The following SLC8A1 variants were observed in gnomAD, a reference collection of about 807,000 sequenced individuals.
SLC8A1 encodes the protein sodium/calcium exchanger 1.
In SLC8A1, 18 loss-of-function variants were observed where a neutral mutation model predicts 68.3. That is an observed-to-expected ratio of 0.26 (90% CI 0.18 to 0.39). The LOEUF (loss-of-function observed/expected upper bound fraction) is 0.39. Ranked by LOEUF, SLC8A1 falls within the 10% of genes least tolerant of loss-of-function variation. SLC8A1 has a pLI of 1.00. For missense variants in SLC8A1, 985 were observed against 1,156.7 expected, an observed-to-expected ratio of 0.85 and a Z score of 2.15; for synonymous variants, 475 against 415.5, an observed-to-expected ratio of 1.14 and a Z score of -1.74.
rs548460510 is a variant in SLC8A1, at chr2:40,135,983, G to C, written c.2437+3418C>G. Among the ~76,000 whole-genome samples the C allele has an allele frequency of 6.6e-5, 10 of 152,292 alleles. No individual in the cohort carries two copies. In the East Asian group the frequency reaches 1.9e-3, roughly 29 times the overall value. On this transcript the variant is annotated intron_variant, in intron 7 of 7. Transcript: ENST00000406785. Reference sequence around the variant, plus strand: ...AGCTAGTACATAAATCTTTCACTTAGAGGAAAATTGAGGCTGGGGATATAC... The same window carrying C: ...AGCTAGTACATAAATCTTTCACTTACAGGAAAATTGAGGCTGGGGATATAC...
rs374581560 is a variant in SLC8A1 at position 40,349,938 on chromosome 2, A to G, written c.1808+78535T>C. Reference sequence around the variant, plus strand: ...GGGGAATATAAGCAGTAATATTAATATTAAAATGGAGCTCCAAATTAATGG... The same window carrying G: ...GGGGAATATAAGCAGTAATATTAATGTTAAAATGGAGCTCCAAATTAATGG... On this transcript the variant is annotated intron_variant, in intron 2 of 7. Coordinates refer to ENST00000406785, the Ensembl canonical transcript of SLC8A1. Among the ~76,000 whole-genome samples, 3 of 152,172 alleles carry G rather than the reference A, an allele frequency of 2.0e-5. No individual in the cohort carries two copies. The East Asian group carries it at 5.8e-4, about 29-fold the overall frequency.
intron 1 of SLC8A1, among the ~76,000 whole-genome samples, chr2:40,475,234 C>A (rs891884580): frequency 6.6e-6 from 1 of 152,184 alleles, no homozygotes. Context: ...CCCGGGTTCA[C>A]GCCATTCTCC....
chr2:40,416,002 G>C (rs900652297), intron 2 of SLC8A1, among the ~76,000 whole-genome samples: 1 of 144,742 alleles, frequency 6.9e-6, no homozygotes, highest in African/African-American at 2.6e-5. Flanking sequence ...GCGGAGCTGA[G>C]ATCACGCCAC....
At chr2:40,143,992 C>G (rs1486289307) in intron 6 of SLC8A1, among the ~76,000 whole-genome samples, 4 of 152,210 alleles carry the variant, frequency 2.6e-5, no homozygotes, top group African/African-American at 9.6e-5. Context: ...AGTTTCCTAA[C>G]TCCCATCTCT....
chr2:40,141,635 T>G (rs545361429), intron 6 of SLC8A1, among the ~76,000 whole-genome samples: 34 of 152,276 alleles, frequency 2.2e-4, no homozygotes, highest in African/African-American at 7.5e-4. Context: ...TATATCAACT[T>G]TACCTGGAAG....
chr2:40,392,192 AAAAG>A (rs1316680709), intron 2 of SLC8A1, among the ~76,000 whole-genome samples: 13 of 151,990 alleles, frequency 8.6e-5, no homozygotes, highest in South Asian at 6.2e-4. Context: ...AAGAAAAGAA[AAAAG>A]AAAGAAAAGA....
intron 2 of SLC8A1, among the ~76,000 whole-genome samples, chr2:40,405,444 G>T (rs1008650677): frequency 6.6e-6 from 1 of 152,174 alleles, no homozygotes; most frequent in Non-Finnish European, 1.5e-5. Context: ...AAAAGAGCTT[G>T]CCTTTAAAAT....
intron 2 of SLC8A1, among the ~76,000 whole-genome samples, chr2:40,207,316 C>T (rs1366772839): frequency 6.6e-5 from 10 of 151,928 alleles, no homozygotes; most frequent in Admixed American, 2.6e-4. Flanking sequence ...CCATTATCCC[C>T]GAAGCAGTGT....
At chr2:40,252,317 T>G (rs1457828211) in intron 2 of SLC8A1, among the ~76,000 whole-genome samples, 1 of 152,104 alleles carries the variant, frequency 6.6e-6, no homozygotes, top group African/African-American at 2.4e-5. Context: ...GTTTTTTTTT[T>G]TAGATAGTAC....
intron 1 of SLC8A1, among the ~76,000 whole-genome samples, chr2:40,442,115 C>G (rs1228720235): frequency 2.0e-5 from 3 of 149,680 alleles, no homozygotes; most frequent in Admixed American, 6.6e-5. Flanking sequence ...CGAGTTAATG[C>G]GTGCAGCACA....
chr2:40,452,693 T>G (rs1702704347), upstream of SLC8A1, among the ~76,000 whole-genome samples: 1 of 151,358 alleles, frequency 6.6e-6, no homozygotes, highest in Non-Finnish European at 1.5e-5. Context: ...CACCCTGTGT[T>G]TTTCTACGTA....
intron 2 of SLC8A1, among the ~76,000 whole-genome samples, chr2:40,276,377 A>G (rs574996178): frequency 6.6e-6 from 1 of 152,326 alleles, no homozygotes; most frequent in South Asian, 2.1e-4. Flanking sequence ...GATTGTTAGC[A>G]TTCATATCTC....
chr2:40,334,205 G>A (rs1665199323), intron 2 of SLC8A1, among the ~76,000 whole-genome samples: 1 of 152,168 alleles, frequency 6.6e-6, no homozygotes, highest in African/African-American at 2.4e-5. Flanking sequence ...TAAATAAAAT[G>A]AGGTTTAGAG....
chr2:40,313,078 C>T (rs897403884), intron 2 of SLC8A1, among the ~76,000 whole-genome samples: 1 of 152,010 alleles, frequency 6.6e-6, no homozygotes. Flanking sequence ...CCATTACCCC[C>T]CAAAGTTCTC....
chr2:40,478,928 C>G (rs552594377), intron 1 of SLC8A1, among the ~76,000 whole-genome samples: 28 of 152,178 alleles, frequency 1.8e-4, no homozygotes, highest in African/African-American at 6.3e-4. Context: ...CCCGCCACCA[C>G]GCCCAGCTAA....
chr2:40,484,053 C>T (rs1173713845), intron 1 of SLC8A1, among the ~76,000 whole-genome samples: 2 of 152,126 alleles, frequency 1.3e-5, no homozygotes, highest in Non-Finnish European at 2.9e-5. Flanking sequence ...TAAAAAGGTT[C>T]CAATGCATAG....
rs141646755 is a variant in SLC8A1 at position 40,294,336 on chromosome 2, A to T, written c.1809-116481T>A. Among the ~76,000 whole-genome samples, 456 of 152,218 alleles carry T rather than the reference A, an allele frequency of 3.0e-3. 1 individual carries two copies. The highest frequency in any genetic ancestry group is 0.011 in the African/African-American group (440 of 41,552). On this transcript the variant is annotated intron_variant, in intron 2 of 7. Transcript: ENST00000406785. Reference sequence around the variant, plus strand: ...TAAAGCACTTTTCACATAATAACTCAATTTGTCTTCAAAACAACAACAATC... The same window carrying T: ...TAAAGCACTTTTCACATAATAACTCTATTTGTCTTCAAAACAACAACAATC...
At chr2:40,331,873 G>C (rs777535144) in intron 2 of SLC8A1, among the ~76,000 whole-genome samples, 2 of 152,122 alleles carry the variant, frequency 1.3e-5, no homozygotes, top group Admixed American at 1.3e-4. Flanking sequence ...GATTACAGGC[G>C]TGAGCCACCG....
chr2:40,147,827 G>A (rs1422253290), intron 6 of SLC8A1, among the ~76,000 whole-genome samples: 1 of 152,222 alleles, frequency 6.6e-6, no homozygotes, highest in Non-Finnish European at 1.5e-5. Flanking sequence ...ATCTATGAAT[G>A]CAGGTTCACT....
Sources: allele counts gnomAD v4.1 joint callset (sites outside exome capture counted in the v4.1 genomes callset), GRCh38; gene constraint gnomAD v4.1.1; transcripts MANE v1.5; gene names NCBI Gene and HGNC (gene_info 2026-07-23, HGNC 2026-07-21).